The following TTC28 variants were observed in gnomAD, a reference collection of about 807,000 sequenced individuals.
TTC28 encodes the protein tetratricopeptide repeat protein 28.
In TTC28, 61 loss-of-function variants were observed where a neutral mutation model predicts 198.0. That is an observed-to-expected ratio of 0.31 (90% confidence interval 0.25 to 0.38). The LOEUF (loss-of-function observed/expected upper bound fraction) is 0.38, where lower values mean the gene tolerates loss of function less well. Among genes scored for constraint, TTC28 ranks in the 10% least tolerant of loss-of-function variants. TTC28 has a pLI of 1.00. For missense variants in TTC28, 2,678 were observed against 3,164.0 expected, an observed-to-expected ratio of 0.85 and a Z score of 3.69; for synonymous variants, 1,171 against 1,297.8, an observed-to-expected ratio of 0.90 and a Z score of 2.10.
intron 2 of TTC28, among the ~76,000 whole-genome samples, chr22:28,549,827 C>G (rs867797988): frequency 6.6e-6 from 1 of 152,154 alleles, no homozygotes; most frequent in Non-Finnish European, 1.5e-5. Context: ...AATTCATGGT[C>G]TTCAATGTTT....
chr22:28,666,703 C>T (rs1487514276), intron 1 of TTC28, among the ~76,000 whole-genome samples: 1 of 58,554 alleles, frequency 1.7e-5, no homozygotes, highest in African/African-American at 7.8e-5. Flanking sequence ...GATTCACTGC[C>T]GAATTCTACC....
chr22:28,443,490 G>T (rs2047656226), intron 2 of TTC28, among the ~76,000 whole-genome samples: 2 of 152,112 alleles, frequency 1.3e-5, no homozygotes, highest in Admixed American at 1.3e-4. Flanking sequence ...GGATAACTTG[G>T]GAAAAGGATC....
rs531886464 is a variant in TTC28 at position 28,388,808 on chromosome 22, C to T, written c.382-82165G>A. The stretch of plus-strand genomic sequence containing the variant: ...GCAAACAGGGACAATTTGACTTCCT[C>T]TTTTCCTAATTCAATACCCTTTATT... On this transcript the variant is annotated intron_variant, in intron 2 of 22. Transcript: ENST00000397906. Among the ~76,000 whole-genome samples, 4 of 152,304 alleles carry T rather than the reference C, an allele frequency of 2.6e-5. No homozygotes were observed. The East Asian group carries it at 7.7e-4, about 29-fold the overall frequency.
chr22:28,043,505 G>A (rs1283765722), intron 12 of TTC28, among the ~76,000 whole-genome samples: 1 of 152,008 alleles, frequency 6.6e-6, no homozygotes, highest in Non-Finnish European at 1.5e-5. Flanking sequence ...GGGATTAGGA[G>A]CAGAGAGCAG....
chr22:28,148,757 T>C (rs1569163234), intron 6 of TTC28, among the ~76,000 whole-genome samples: 1 of 152,114 alleles, frequency 6.6e-6, no homozygotes, highest in Non-Finnish European at 1.5e-5. Context: ...TAATATAAAA[T>C]GTACAGAAAT....
chr22:28,150,695 C>T (rs1943584810), intron 6 of TTC28, among the ~76,000 whole-genome samples: 1 of 152,196 alleles, frequency 6.6e-6, no homozygotes, highest in African/African-American at 2.4e-5. Context: ...CAAAGGGCTA[C>T]ACAGGAGCTG....
intron 5 of TTC28, among the ~76,000 whole-genome samples, chr22:28,196,056 C>A (rs887100351): frequency 6.6e-6 from 1 of 151,578 alleles, no homozygotes; most frequent in Non-Finnish European, 1.5e-5. Context: ...GCTACAGTAA[C>A]CAAAACAGCA....
At chr22:28,335,745 T>C (rs1481158716) in intron 2 of TTC28, among the ~76,000 whole-genome samples, 3 of 152,154 alleles carry the variant, frequency 2.0e-5, no homozygotes, top group South Asian at 4.1e-4. Flanking sequence ...TGGGCTGAGA[T>C]GATGGGGTTT....
At chr22:28,110,228 C>A (rs1942445733) in intron 6 of TTC28, among the ~76,000 whole-genome samples, 1 of 152,188 alleles carries the variant, frequency 6.6e-6, no homozygotes, top group African/African-American at 2.4e-5. Context: ...CTGTGGAGAT[C>A]TGCCCTGCCA....
In TTC28 at chr22:28,107,667, A is replaced by G. The variant is rs756230330; in HGVS notation, c.2178T>C (p.Cys726=). 3 of 1,551,582 alleles carry G rather than the reference A, an allele frequency of 1.9e-6. No homozygotes were observed. Among genetic ancestry groups the G allele is most frequent in the Non-Finnish European group, 2.6e-6 (3 of 1,147,000 alleles). Residue 726 remains cysteine (C), a synonymous_variant, in exon 7 of 23, where the codon TGT becomes TGC. Transcript: ENST00000397906. The part of the protein sequence containing the change: ...ALGNLGDIFI[C]KKDINGAIKF... The stretch of plus-strand genomic sequence containing the variant: ...TTATTGCACCATTTATATCTTTTTT[A>G]CAGATGAATATATCGCCCAGGTTTC...
chr22:28,508,913 C>T (rs1269045882), intron 2 of TTC28, among the ~76,000 whole-genome samples: 4 of 151,972 alleles, frequency 2.6e-5, no homozygotes, highest in African/African-American at 9.7e-5. Flanking sequence ...CCACCTAAGC[C>T]AGGCACCGTG....
At chr22:28,628,952 AAAAGAAAAG>A (rs2051122918) in intron 2 of TTC28, among the ~76,000 whole-genome samples, 1 of 151,924 alleles carries the variant, frequency 6.6e-6, no homozygotes, top group African/African-American at 2.4e-5. Flanking sequence ...AAAGGAAAGG[AAAAGAAAAG>A]AAAGGAAAGG....
chr22:28,528,751 A>G (rs2145889648), intron 2 of TTC28, among the ~76,000 whole-genome samples: 1 of 151,634 alleles, frequency 6.6e-6, no homozygotes, highest in South Asian at 2.1e-4. Context: ...AAAAAAAAAA[A>G]AAAAAGGAAA....
At chr22:28,319,809 T>C (rs930432320) in intron 2 of TTC28, among the ~76,000 whole-genome samples, 2 of 152,184 alleles carry the variant, frequency 1.3e-5, no homozygotes, top group East Asian at 1.9e-4. Flanking sequence ...GCCAGAAAGA[T>C]CAAAAGAGTA....
At chr22:28,556,395 A>T (rs1394484981) in intron 2 of TTC28, among the ~76,000 whole-genome samples, 1 of 152,168 alleles carries the variant, frequency 6.6e-6, no homozygotes, top group African/African-American at 2.4e-5. Context: ...TTCTTAAAAG[A>T]TCATTTTTCT....
chr22:28,099,114 C>T (rs1942062796), intron 9 of TTC28, 70 bp from the exon 10 acceptor site: 7 of 1,531,312 alleles, frequency 4.6e-6, no homozygotes, highest in Non-Finnish European at 6.2e-6. Context: ...AGACTAGAGA[C>T]AACTTTTGCT....
intron 2 of TTC28, among the ~76,000 whole-genome samples, chr22:28,339,986 G>A (rs1184293767): frequency 6.6e-6 from 1 of 152,160 alleles, no homozygotes; most frequent in African/African-American, 2.4e-5. Context: ...CGTCGCCTAC[G>A]CTGGGAGCTG....
chr22:28,420,203 A>G (rs2047226877), intron 2 of TTC28, among the ~76,000 whole-genome samples: 1 of 152,240 alleles, frequency 6.6e-6, no homozygotes, highest in African/African-American at 2.4e-5. Context: ...CATCTTGAGT[A>G]ATAAACACGC....
intron 2 of TTC28, among the ~76,000 whole-genome samples, chr22:28,424,484 T>C (rs1569317911): frequency 1.3e-5 from 2 of 152,222 alleles, no homozygotes; most frequent in African/African-American, 2.4e-5. Flanking sequence ...ATATGTTTCC[T>C]AACTATACTC....
Sources: gnomAD v4.1 joint callset for allele counts (sites outside exome capture counted in the v4.1 genomes callset) on GRCh38, gnomAD v4.1.1 for gene constraint, MANE v1.5 for transcripts, NCBI Gene and HGNC (gene_info 2026-07-23, HGNC 2026-07-21) for gene names.